UNC5C: variants seen among roughly 807,000 people sequenced by gnomAD.
UNC5C encodes the protein unc-5 netrin receptor C.
Under a neutral mutation model 99.8 loss-of-function variants are expected in UNC5C, and 47 were observed. The observed-to-expected ratio is 0.47, with a 90% CI of 0.37 to 0.60. The LOEUF (loss-of-function observed/expected upper bound fraction) is 0.60, where lower values mean the gene tolerates loss of function less well. Ranked by LOEUF, UNC5C falls within the 20% of genes least tolerant of loss-of-function variation. The pLI, the probability that UNC5C is intolerant of heterozygous loss-of-function variation, is 0.00. For synonymous variants in UNC5C, 487 were observed against 452.2 expected, an observed-to-expected ratio of 1.08 and a Z score of -0.98; for missense variants, 1,062 against 1,165.9, an observed-to-expected ratio of 0.91 and a Z score of 1.30.
At chr4:95,503,298 C>T (rs1364704608) in intron 1 of UNC5C, among the ~76,000 whole-genome samples, 3 of 152,036 alleles carry the variant, frequency 2.0e-5, no homozygotes, top group African/African-American at 2.4e-5. Context: ...TAGAAAGTTG[C>T]CGGTACCTTA....
At chr4:95,174,297 T>A (rs1245425180) in intron 14 of UNC5C, among the ~76,000 whole-genome samples, 1 of 152,042 alleles carries the variant, frequency 6.6e-6, no homozygotes, top group Non-Finnish European at 1.5e-5. Flanking sequence ...TTGAATGTGT[T>A]TGCTCTTGCT....
intron 1 of UNC5C, among the ~76,000 whole-genome samples, chr4:95,481,949 G>A (rs942949547): frequency 5.3e-5 from 8 of 151,988 alleles, no homozygotes; most frequent in Non-Finnish European, 1.2e-4. Flanking sequence ...ATAGGCATGG[G>A]CAAGGACTTC....
intron 12 of UNC5C, among the ~76,000 whole-genome samples, chr4:95,189,475 G>A (rs1466820480): frequency 6.6e-6 from 1 of 152,150 alleles, no homozygotes; most frequent in African/African-American, 2.4e-5. Flanking sequence ...GGCAACAGAA[G>A]CCAAAATTGA....
At chr4:95,225,031 G>A (rs1404521101) in intron 7 of UNC5C, among the ~76,000 whole-genome samples, 2 of 152,200 alleles carry the variant, frequency 1.3e-5, no homozygotes, top group South Asian at 2.1e-4. Flanking sequence ...GGAGGAGGTG[G>A]GGTCAGAGGA....
chr4:95,401,149 TTTG>T (rs1295776296), intron 1 of UNC5C, among the ~76,000 whole-genome samples: 1 of 152,148 alleles, frequency 6.6e-6, no homozygotes, highest in African/African-American at 2.4e-5. Flanking sequence ...TTCAATATAT[TTTG>T]TTAATTTGGA....
chr4:95,451,693 C>T (rs1477958457), intron 1 of UNC5C, among the ~76,000 whole-genome samples: 2 of 152,150 alleles, frequency 1.3e-5, no homozygotes, highest in African/African-American at 4.8e-5. Context: ...TCTACAGACA[C>T]TGTATTGTTT....
intron 3 of UNC5C, among the ~76,000 whole-genome samples, chr4:95,284,976 C>T (rs574819550): frequency 1.3e-5 from 2 of 152,238 alleles, no homozygotes; most frequent in African/African-American, 2.4e-5. Context: ...ATCTCTCCAC[C>T]TTTGAGCCCT....
chr4:95,453,692 C>A (rs903971436), intron 1 of UNC5C, among the ~76,000 whole-genome samples: 2 of 151,870 alleles, frequency 1.3e-5, no homozygotes, highest in Admixed American at 1.3e-4. Flanking sequence ...AAAAGCCCAC[C>A]AGTGATTACT....
At chr4:95,547,771 C>T (rs542982269) in intron 1 of UNC5C, among the ~76,000 whole-genome samples, 67 of 152,208 alleles carry the variant, frequency 4.4e-4, no homozygotes, top group Non-Finnish European at 7.5e-4. Flanking sequence ...GCTTTCCCGG[C>T]TTTGAAGGCT....
intron 1 of UNC5C, among the ~76,000 whole-genome samples, chr4:95,537,327 G>A (rs931814061): frequency 1.3e-5 from 2 of 152,150 alleles, no homozygotes; most frequent in Non-Finnish European, 2.9e-5. Context: ...CTCCACTGTT[G>A]TTACTTGTAC....
chr4:95,542,529 G>GTACTTAAA (rs1722945194), intron 1 of UNC5C, among the ~76,000 whole-genome samples: 1 of 152,110 alleles, frequency 6.6e-6, no homozygotes, highest in African/African-American at 2.4e-5. Context: ...CCATGTAGAA[G>GTACTTAAA]GGGAGGTATG....
At chr4:95,257,982 A>ATAATTCTGTTT (rs1434146325) in intron 4 of UNC5C, among the ~76,000 whole-genome samples, 2 of 152,244 alleles carry the variant, frequency 1.3e-5, no homozygotes, top group Non-Finnish European at 2.9e-5. Context: ...TTATCATGTA[A>ATAATTCTGTTT]AGGATTGTCT....
At chr4:95,538,954 A>G (rs1172626464) in intron 1 of UNC5C, among the ~76,000 whole-genome samples, 7 of 152,202 alleles carry the variant, frequency 4.6e-5, no homozygotes, top group South Asian at 2.1e-4. Context: ...CCTGGAAATA[A>G]AGCCACCAAT....
At chr4:95,340,576 C>T (rs1197358925) in intron 1 of UNC5C, among the ~76,000 whole-genome samples, 1 of 152,018 alleles carries the variant, frequency 6.6e-6, no homozygotes, top group Non-Finnish European at 1.5e-5. Context: ...ATGGATTCAT[C>T]ATTTAAATTC....
At chr4:95,393,580 A>T (rs902551646) in intron 1 of UNC5C, among the ~76,000 whole-genome samples, 3 of 152,182 alleles carry the variant, frequency 2.0e-5, no homozygotes, top group African/African-American at 7.2e-5. Context: ...TGACATTTCC[A>T]AATATTTAAT....
intron 1 of UNC5C, among the ~76,000 whole-genome samples, chr4:95,547,567 G>A (rs1385843002): frequency 1.3e-5 from 2 of 152,180 alleles, no homozygotes; most frequent in Non-Finnish European, 2.9e-5. Flanking sequence ...TCTGAATGCT[G>A]CATAAGCTTC....
chr4:95,356,223 A>C (rs1560801849), intron 1 of UNC5C, among the ~76,000 whole-genome samples: 2 of 135,254 alleles, frequency 1.5e-5, no homozygotes, highest in African/African-American at 2.9e-5. Flanking sequence ...CAAAACAAAA[A>C]AAAAACAGAT....
At chr4:95,326,406 G>GA (rs1436553252) in intron 2 of UNC5C, among the ~76,000 whole-genome samples, 2 of 151,252 alleles carry the variant, frequency 1.3e-5, no homozygotes, top group African/African-American at 4.8e-5. Flanking sequence ...AACAAGAGTT[G>GA]AAAAGGCTTC....
intron 11 of UNC5C, among the ~76,000 whole-genome samples, chr4:95,204,778 T>C (rs546398975): frequency 4.1e-4 from 63 of 152,286 alleles, no homozygotes; most frequent in Middle Eastern, 6.8e-3. Context: ...GCTGAAACAG[T>C]GAATGAACAC....
Sources: allele counts gnomAD v4.1 joint callset (sites outside exome capture counted in the v4.1 genomes callset), GRCh38; gene constraint gnomAD v4.1.1; transcripts MANE v1.5; gene names NCBI Gene and HGNC (gene_info 2026-07-23, HGNC 2026-07-21).